The following ABI3BP variants were observed in gnomAD, a reference collection of about 807,000 sequenced individuals.
ABI3BP encodes the protein ABI family member 3 binding protein, also known as target of Nesh-SH3.
A neutral mutation model predicts 268.6 loss-of-function variants in ABI3BP; 216 were observed. The ratio of observed to expected loss-of-function variants is 0.80; its 90% CI spans 0.72 to 0.90. The LOEUF (loss-of-function observed/expected upper bound fraction) is 0.90. Ranked by LOEUF, ABI3BP falls within the 40% of genes least tolerant of loss-of-function variation. The pLI is 0.00. For synonymous variants in ABI3BP, 730 were observed against 730.0 expected (o/e 1.00, Z 0.00); for missense variants, 2,090 against 2,182.4 (o/e 0.96, Z 0.84).
At chr3:100,782,527 T>C (rs908417330) in intron 57 of ABI3BP, among the ~76,000 whole-genome samples, 10 of 152,004 alleles carry the variant, frequency 6.6e-5, no homozygotes, top group South Asian at 2.1e-4. Context: ...CCTGAAAGCA[T>C]TGGGAAGGGC....
chr3:100,828,310 T>A, intron 34 of ABI3BP, 83 bp downstream of exon 34: 2 of 1,318,592 alleles, frequency 1.5e-6, no homozygotes, highest in Non-Finnish European at 2.1e-6. Context: ...AAACCAAAAA[T>A]GTAATTGAAT....
chr3:100,749,909 T>TTA lies in ABI3BP; in HGVS notation c.*584_*585dup, dbSNP rs1421165235. On this transcript the variant is annotated 3_prime_UTR_variant, in exon 68 of 68. Transcript: ENST00000471714. ...TGTGGATGTTTAAAGGAAATGTATA[T>TTA]TAGCATGAATGTGTAACTATTAAAC... 11 of 393,986 alleles carry TTA rather than the reference T, an allele frequency of 2.8e-5. No individual in the cohort carries two copies. The highest frequency in any genetic ancestry group is 4.0e-5 in the Non-Finnish European group (9 of 223,438). 24.4% of individuals were successfully genotyped at this position (393,986 alleles called of 1,614,324 possible).
At chr3:100,935,740 A>G (rs2065819696) in intron 1 of ABI3BP, among the ~76,000 whole-genome samples, 2 of 152,068 alleles carry the variant, frequency 1.3e-5, no homozygotes, top group Admixed American at 1.3e-4. Flanking sequence ...CTTTGTAGCA[A>G]TTGTGAATGG....
intron 63 of ABI3BP, among the ~76,000 whole-genome samples, chr3:100,755,759 T>G (rs998119611): frequency 1.3e-5 from 2 of 152,226 alleles, no homozygotes; most frequent in Non-Finnish European, 2.9e-5. Context: ...GCAAGTGGAC[T>G]TGGCAGTGAA....
intron 14 of ABI3BP, among the ~76,000 whole-genome samples, chr3:100,852,628 A>G (rs561282836): frequency 6.6e-6 from 1 of 152,284 alleles, no homozygotes; most frequent in South Asian, 2.1e-4. Context: ...GCAGGACCAG[A>G]AACAGCAGGG....
chr3:100,898,107 T>C (rs1188424495), intron 4 of ABI3BP, among the ~76,000 whole-genome samples: 3 of 152,216 alleles, frequency 2.0e-5, no homozygotes, highest in Non-Finnish European at 4.4e-5. Flanking sequence ...CTTAGATTTT[T>C]CCCATTTGTT....
chr3:100,882,210 T>G (rs1460885475), intron 6 of ABI3BP, among the ~76,000 whole-genome samples: 2 of 152,136 alleles, frequency 1.3e-5, no homozygotes, highest in Non-Finnish European at 2.9e-5. Context: ...CATGTGAAAT[T>G]AATTTCATAT....
rs1215956480 is a variant in ABI3BP at position 100,846,509 on chromosome 3, A to G, written c.1649-63T>C. 1.8e-5 allele frequency: 22 copies of G among 1,207,616 alleles called. No individual in the cohort carries two copies. In the East Asian group the frequency reaches 5.6e-4, roughly 31 times the overall value. The allele number at this position is 1,207,616 out of a possible 1,614,324, so 74.8% of individuals were successfully genotyped here. ...TATTTAGGCATTTCAGTGTCTAAAAACACAGAAGGAAAACCTAGAAATAAA... is the reference window on the plus strand; with the variant it reads ...TATTTAGGCATTTCAGTGTCTAAAAGCACAGAAGGAAAACCTAGAAATAAA... On this transcript the variant is annotated intron_variant, in intron 19 of 67. Coordinates refer to ENST00000471714, the MANE Select transcript of ABI3BP (RefSeq NM_001375547.2).
intron 30 of ABI3BP, 107 bp downstream of exon 30, chr3:100,833,018 G>A (rs2098518708): frequency 3.1e-6 from 3 of 959,114 alleles, no homozygotes; most frequent in Non-Finnish European, 3.0e-6. Flanking sequence ...GATGAATACT[G>A]TAATGAGATG....
At chr3:100,870,665 T>A (rs962840090) in intron 9 of ABI3BP, among the ~76,000 whole-genome samples, 2 of 152,166 alleles carry the variant, frequency 1.3e-5, no homozygotes, top group African/African-American at 4.8e-5. Flanking sequence ...AAAATAGAAC[T>A]ACCTTATGAC....
At chr3:100,802,765 G>A (rs551835860) in intron 51 of ABI3BP, among the ~76,000 whole-genome samples, 1 of 152,074 alleles carries the variant, frequency 6.6e-6, no homozygotes, top group Non-Finnish European at 1.5e-5. Context: ...ACTCTGTCCT[G>A]ACCTCAGCAC....
Position 100,964,894 on chromosome 3 carries a change from C to A in ABI3BP, c.79+28412G>T, listed in dbSNP as rs554971357. 1.5e-4 allele frequency among the ~76,000 whole-genome samples: 23 copies of A among 152,312 alleles called. No homozygotes were observed. In the South Asian group the frequency reaches 4.8e-3, roughly 32 times the overall value. On this transcript the variant is annotated intron_variant, in intron 1 of 67. Coordinates refer to ENST00000471714, the MANE Select transcript of ABI3BP (RefSeq NM_001375547.2). ...TTGTACCAGCCTCTCTTCTTTAAAG[C>A]TTTGATTGGTTAGCCATCACACTGG...
chr3:100,856,614 A>G (rs761725943), intron 14 of ABI3BP, among the ~76,000 whole-genome samples: 7 of 152,218 alleles, frequency 4.6e-5, no homozygotes, highest in Admixed American at 1.3e-4. Flanking sequence ...GGATGAAAAC[A>G]AACACTTCAA....
At chr3:100,918,303 C>CCCGT (rs2059274726) in intron 2 of ABI3BP, among the ~76,000 whole-genome samples, 1 of 151,214 alleles carries the variant, frequency 6.6e-6, no homozygotes, top group Non-Finnish European at 1.5e-5. Context: ...CACCCATCCA[C>CCCGT]CCATCCACCC....
At chr3:100,772,461 A>T (rs2096573904) in intron 61 of ABI3BP, among the ~76,000 whole-genome samples, 1 of 152,232 alleles carries the variant, frequency 6.6e-6, no homozygotes, top group African/African-American at 2.4e-5. Flanking sequence ...AATAGTCCAA[A>T]GGCCAAGAGG....
At chr3:100,941,540 T>G (rs1428948268) in intron 1 of ABI3BP, among the ~76,000 whole-genome samples, 1 of 152,148 alleles carries the variant, frequency 6.6e-6, no homozygotes, top group African/African-American at 2.4e-5. Flanking sequence ...TTTGCCCAGC[T>G]GTTTGCACAA....
intron 4 of ABI3BP, among the ~76,000 whole-genome samples, chr3:100,890,405 T>G (rs2044022254): frequency 6.6e-6 from 1 of 152,144 alleles, no homozygotes; most frequent in African/African-American, 2.4e-5. Flanking sequence ...TGTCCCACTC[T>G]GATTTCAAGG....
intron 28 of ABI3BP, 111 bp from the exon 29 acceptor site, chr3:100,834,884 CTT>C: frequency 1.9e-6 from 2 of 1,040,206 alleles, no homozygotes; most frequent in Non-Finnish European, 2.7e-6. Flanking sequence ...AAATTTGTCT[CTT>C]TGGTTTAGAA....
Position 100,887,209 on chromosome 3 carries a change from C to T in ABI3BP, c.462-886G>A, listed in dbSNP as rs185198698. 9.0e-4 allele frequency among the ~76,000 whole-genome samples: 137 copies of T among 152,016 alleles called. 1 individual carries two copies. The highest frequency in any genetic ancestry group is 3.8e-4 in the Non-Finnish European group (26 of 67,926). Reference sequence around the variant, plus strand: ...CTCCTCTGGCTCTACTTTAAACAGCCGCTGTAAGTGGGGCAGCAGATCAAG... The same window carrying T: ...CTCCTCTGGCTCTACTTTAAACAGCTGCTGTAAGTGGGGCAGCAGATCAAG... On this transcript the variant is annotated intron_variant, in intron 4 of 67. Coordinates refer to ENST00000471714, the MANE Select transcript of ABI3BP (RefSeq NM_001375547.2).
Sources: allele counts gnomAD v4.1 joint callset (sites outside exome capture counted in the v4.1 genomes callset), GRCh38; gene constraint gnomAD v4.1.1; transcripts MANE v1.5; gene names NCBI Gene and HGNC (gene_info 2026-07-23, HGNC 2026-07-21).